The following KDM6A variants were observed in gnomAD, a reference collection of about 807,000 sequenced individuals.
KDM6A encodes the protein lysine-specific demethylase 6A.
A neutral mutation model predicts 117.6 loss-of-function variants in KDM6A; 11 were observed. The observed-to-expected ratio is 0.09, with a 90% CI of 0.06 to 0.15. KDM6A has a LOEUF of 0.15. Among genes scored for constraint, KDM6A ranks in the 10% least tolerant of loss-of-function variants. The pLI is 1.00. For synonymous variants in KDM6A, 384 were observed against 396.1 expected (o/e 0.97, Z 0.36); for missense variants, 799 against 1,077.3 (o/e 0.74, Z 3.62).
chrX:45,106,689 A>C (rs921704463), intron 27 of KDM6A: 1 of 334,269 alleles, frequency 3.0e-6, no homozygotes, highest in African/African-American at 2.7e-5. Flanking sequence ...AATGACAGAA[A>C]ATTATAGGAG....
At chrX:44,917,894 T>C (rs2035661670) in intron 2 of KDM6A, among the ~76,000 whole-genome samples, 1 of 112,239 alleles carries the variant, frequency 8.9e-6, no homozygotes, top group African/African-American at 3.2e-5. Context: ...AGCAAAAGTA[T>C]CGCATTCTTG....
intron 9 of KDM6A, among the ~76,000 whole-genome samples, chrX:45,053,567 A>G (rs1045262340): frequency 2.7e-5 from 3 of 112,492 alleles, no homozygotes; most frequent in African/African-American, 9.7e-5. Flanking sequence ...TCTGATTTAT[A>G]ATCTGTTATA....
chrX:44,988,490 T>G (rs1184212906), intron 4 of KDM6A, among the ~76,000 whole-genome samples: 3 of 111,458 alleles, frequency 2.7e-5, no homozygotes, highest in Non-Finnish European at 5.6e-5. Flanking sequence ...GGCGCTCTGA[T>G]TTTTAGAGTT....
At position 45,039,502 on chromosome X, in the gene KDM6A, A is replaced by AT. The variant is rs2042956274; in HGVS notation, c.654+1813_654+1814insT. On this transcript the variant is annotated intron_variant, in intron 8 of 29. Transcript: ENST00000611820. The stretch of plus-strand genomic sequence containing the variant: ...CCCTCCTCCCATTGATTCATTTGAT[A>AT]ATTTTTTTTTTTTTTTTTTTTTTTT... Among the ~76,000 whole-genome samples the AT allele has an allele frequency of 8.0e-5, 6 of 74,974 alleles. No individual in the cohort carries two copies. The South Asian group carries it at 4.9e-3, about 61-fold the overall frequency. The allele number at this position is 74,974 out of a possible 115,157, so 65.1% of individuals were successfully genotyped here. A position where few individuals can be genotyped will look rare whatever the true frequency, so the allele number is the denominator to read the frequency against.
intron 23 of KDM6A, among the ~76,000 whole-genome samples, chrX:45,083,206 G>GT (rs1316599731): frequency 1.8e-5 from 2 of 111,231 alleles, no homozygotes; most frequent in Non-Finnish European, 3.8e-5. Flanking sequence ...ACGTGAAAAT[G>GT]TATTTATAAA....
chrX:45,056,818 G>A (rs1335454000), intron 10 of KDM6A, among the ~76,000 whole-genome samples: 1 of 111,535 alleles, frequency 9.0e-6, no homozygotes, highest in Non-Finnish European at 1.9e-5. Flanking sequence ...GTTTTGGGAA[G>A]AACTGCTTAT....
At chrX:45,100,808 T>C in intron 27 of KDM6A, among the ~76,000 whole-genome samples, 1 of 110,533 alleles carries the variant, frequency 9.0e-6, no homozygotes, top group Non-Finnish European at 1.9e-5. Flanking sequence ...GACCATCTTA[T>C]AAAGCACTGT....
rs746789000 is a variant in KDM6A, at chrX:44,985,383, A to G, written c.384+10668A>G. Among the ~76,000 whole-genome samples, 5 of 111,174 alleles carry G rather than the reference A, an allele frequency of 4.5e-5. No individual in the cohort carries two copies. The East Asian group carries it at 1.4e-3, about 32-fold the overall frequency. On this transcript the variant is annotated intron_variant, in intron 4 of 29. Coordinates refer to ENST00000611820, the MANE Select transcript of KDM6A (RefSeq NM_001291415.2). Reference sequence around the variant, plus strand: ...GGACAATTTTACTTCCTCTTTTCCTAGTTTGAATACCCTTTATTTCCTTCT... The same window carrying G: ...GGACAATTTTACTTCCTCTTTTCCTGGTTTGAATACCCTTTATTTCCTTCT...
At chrX:44,938,867 A>AT (rs2037129832) in intron 2 of KDM6A, among the ~76,000 whole-genome samples, 1 of 112,508 alleles carries the variant, frequency 8.9e-6, no homozygotes, top group South Asian at 3.7e-4. Context: ...TGCTCTACCT[A>AT]TACTTTATAA....
intron 2 of KDM6A, among the ~76,000 whole-genome samples, chrX:44,921,454 A>T (rs1279179141): frequency 9.0e-6 from 1 of 111,451 alleles, no homozygotes; most frequent in Non-Finnish European, 1.9e-5. Flanking sequence ...TACAGTCAAG[A>T]TATTTAGCTG....
chrX:44,899,890 A>G (rs938816965), intron 2 of KDM6A, among the ~76,000 whole-genome samples: 1 of 111,904 alleles, frequency 8.9e-6, no homozygotes, highest in African/African-American at 3.3e-5. Flanking sequence ...AGTCAAATTT[A>G]GGAGAATCTT....
At chrX:45,072,422 G>A (rs2044892896) in intron 18 of KDM6A, among the ~76,000 whole-genome samples, 1 of 108,757 alleles carries the variant, frequency 9.2e-6, no homozygotes, top group Non-Finnish European at 1.9e-5. Context: ...TATATTATAG[G>A]TTTTTATATT....
At chrX:44,924,493 T>A (rs1269618709) in intron 2 of KDM6A, among the ~76,000 whole-genome samples, 1 of 112,239 alleles carries the variant, frequency 8.9e-6, no homozygotes, top group Non-Finnish European at 1.9e-5. Flanking sequence ...AGTCTTGGGC[T>A]AATGTTGCCC....
rs1054162599 is a variant in KDM6A, at chrX:45,090,787, A to C, written c.3957A>C (p.Ile1319=). The change falls in exon 27 of 30, where the codon ATA becomes ATC. Residue 1319 remains isoleucine (I), a synonymous_variant. Coordinates refer to ENST00000611820, the MANE Select transcript of KDM6A (RefSeq NM_001291415.2). ...ACAAATTGCAAAGTGTGAAGTCAAT[A>C]GTACCCATGGTTCATCTTTCCTGGA... is the stretch of plus-strand genomic sequence containing the variant. The part of the protein sequence containing the change: ...EWNKLQSVKS[I]VPMVHLSWNM... The C allele has an allele frequency of 8.3e-7, 1 of 1,206,237 alleles. No individual in the cohort carries two copies. Among genetic ancestry groups the C allele is most frequent in the African/African-American group, 1.8e-5 (1 of 56,659 alleles).
At chrX:44,895,657 A>G (rs1438604340) in intron 2 of KDM6A, among the ~76,000 whole-genome samples, 8 of 108,876 alleles carry the variant, frequency 7.3e-5, no homozygotes, top group Admixed American at 6.0e-4. Flanking sequence ...ACATTTCAGC[A>G]CTACTTTAGC....
chrX:44,895,206 C>T (rs754125472), intron 2 of KDM6A, among the ~76,000 whole-genome samples: 10 of 108,334 alleles, frequency 9.2e-5, no homozygotes, highest in East Asian at 5.8e-4. Flanking sequence ...CCTGGGTTTG[C>T]GCCATTCTCC....
intron 2 of KDM6A, among the ~76,000 whole-genome samples, chrX:44,910,481 A>G (rs1246733799): frequency 5.5e-5 from 5 of 91,571 alleles, no homozygotes; most frequent in Non-Finnish European, 1.1e-4. Context: ...TCTTTAGCTT[A>G]TTTATTTTTG....
intron 2 of KDM6A, among the ~76,000 whole-genome samples, chrX:44,958,241 G>T (rs1292056257): frequency 9.5e-6 from 1 of 105,126 alleles, no homozygotes; most frequent in Non-Finnish European, 1.9e-5. Context: ...GGAGTGCAGT[G>T]GCGCAATCTC....
At chrX:45,037,549 ATAGTG>A (rs1328606725) in intron 7 of KDM6A, 101 bp from the exon 8 acceptor site, 2 of 615,967 alleles carry the variant, frequency 3.2e-6, no homozygotes, top group Admixed American at 2.4e-5. Context: ...TTAAATCTAT[ATAGTG>A]TAGACTGTGA....
Sources: allele counts gnomAD v4.1 joint callset (sites outside exome capture counted in the v4.1 genomes callset), GRCh38; gene constraint gnomAD v4.1.1; transcripts MANE v1.5; gene names NCBI Gene and HGNC (gene_info 2026-07-23, HGNC 2026-07-21).